The following ANO10 variants were observed in gnomAD, a reference collection of about 807,000 sequenced individuals.
The protein encoded by ANO10 is anoctamin 10, also known as anoctamin-10.
ANO10 carries 77 observed loss-of-function variants against 74.7 expected under a neutral mutation model. That is an observed-to-expected ratio of 1.03 (90% CI 0.86 to 1.25). The LOEUF (loss-of-function observed/expected upper bound fraction) is 1.25, where lower values mean the gene tolerates loss of function less well. Among genes scored for constraint, ANO10 ranks in the 50% most tolerant of loss-of-function variants. ANO10 has a pLI of 0.00. For synonymous variants in ANO10, 279 were observed against 284.9 expected (o/e 0.98, Z 0.21); for missense variants, 721 against 778.1 (o/e 0.93, Z 0.87).
intron 12 of ANO10, among the ~76,000 whole-genome samples, chr3:43,382,242 G>A (rs151321581): frequency 0.011 from 1,604 of 152,132 alleles, 16 homozygotes; most frequent in Non-Finnish European, 0.017. Context: ...AGATCAGGCC[G>A]GGCGCGGTGG....
intron 12 of ANO10, among the ~76,000 whole-genome samples, chr3:43,381,036 A>T (rs112744196): frequency 2.0e-5 from 3 of 152,274 alleles, no homozygotes; most frequent in African/African-American, 7.2e-5. Flanking sequence ...GCAAAGGGGT[A>T]CAAGCCCCTT....
At chr3:43,640,049 A>G (rs1269120489) in intron 1 of ANO10, among the ~76,000 whole-genome samples, 1 of 152,228 alleles carries the variant, frequency 6.6e-6, no homozygotes, top group East Asian at 1.9e-4. Context: ...GAGGACACAG[A>G]GTAGGTCTGA....
At chr3:43,608,893 C>T (rs1303518110) in intron 1 of ANO10, among the ~76,000 whole-genome samples, 1 of 152,108 alleles carries the variant, frequency 6.6e-6, no homozygotes, top group Non-Finnish European at 1.5e-5. Context: ...AGTGTTAAGA[C>T]AGAAGGAAAT....
intron 2 of ANO10, among the ~76,000 whole-genome samples, chr3:43,601,914 G>A (rs1192110089): frequency 2.0e-5 from 3 of 152,176 alleles, no homozygotes; most frequent in Non-Finnish European, 4.4e-5. Context: ...AGGGTTGACC[G>A]CCAGGCTCCT....
rs113467534 is a variant in ANO10 at position 43,672,077 on chromosome 3, G to A, written c.-12+19440C>T. ...TGCTGCTGCAAGTCATCTTCCTGTT[G>A]CATGACTGCTGGGAATGTCTAATCC... On this transcript the variant is annotated intron_variant, in intron 1 of 3. Transcript: ENST00000413397. Among the ~76,000 whole-genome samples the A allele has an allele frequency of 2.1e-3, 324 of 152,316 alleles. 2 individuals carry two copies. The highest frequency in any genetic ancestry group is 3.5e-3 in the Non-Finnish European group (240 of 68,036).
chr3:43,601,104 C>G (rs1260231333), intron 2 of ANO10, among the ~76,000 whole-genome samples: 1 of 151,996 alleles, frequency 6.6e-6, no homozygotes, highest in Non-Finnish European at 1.5e-5. Flanking sequence ...TAATAATTTT[C>G]TGAAATAAGT....
In ANO10 at chr3:43,511,928, G is replaced by C. The variant is rs2077522191; in HGVS notation, c.1797+37792C>G. Among the ~76,000 whole-genome samples, 3 of 152,122 alleles carry C rather than the reference G, an allele frequency of 2.0e-5. No homozygotes were observed. In the South Asian group the frequency reaches 6.2e-4, roughly 31 times the overall value. On this transcript the variant is annotated intron_variant, in intron 11 of 12. Coordinates refer to ENST00000292246, the MANE Select transcript of ANO10 (RefSeq NM_018075.5). ...TGTTTTCCTGAGCAATGCACACACAGGACAATGAGGTCCATGGTACAAGGG... is the reference window on the plus strand; with the variant it reads ...TGTTTTCCTGAGCAATGCACACACACGACAATGAGGTCCATGGTACAAGGG...
rs987370118 is a variant in ANO10 at position 43,507,915 on chromosome 3, C to A, written c.1797+41805G>T. Among the ~76,000 whole-genome samples the A allele has an allele frequency of 5.9e-5, 9 of 151,738 alleles. No individual in the cohort carries two copies. In the East Asian group the frequency reaches 7.7e-4, roughly 13 times the overall value. ...AATACTTGCAAAAAATGTCATCAAA[C>A]AAAAAGGAAATGTTCTAGGTGTTTG... is the stretch of plus-strand genomic sequence containing the variant. On this transcript the variant is annotated intron_variant, in intron 11 of 12. Transcript: ENST00000292246.
At chr3:43,686,746 T>A (rs1342487932) in intron 1 of ANO10, among the ~76,000 whole-genome samples, 1 of 152,236 alleles carries the variant, frequency 6.6e-6, no homozygotes. Flanking sequence ...ATGTAGCTAA[T>A]GGCTACTGTA....
At chr3:43,560,043 G>A (rs1467229534) in intron 9 of ANO10, among the ~76,000 whole-genome samples, 1 of 152,198 alleles carries the variant, frequency 6.6e-6, no homozygotes, top group Non-Finnish European at 1.5e-5. Context: ...TGTATCCTAT[G>A]GGGAGGAGAA....
intron 12 of ANO10, among the ~76,000 whole-genome samples, chr3:43,413,533 A>T (rs569259529): frequency 6.6e-6 from 1 of 151,842 alleles, no homozygotes; most frequent in African/African-American, 2.4e-5. Flanking sequence ...CCTTCACCCA[A>T]GAGTAAAAGG....
intron 11 of ANO10, among the ~76,000 whole-genome samples, chr3:43,488,095 C>T (rs1388880442): frequency 4.0e-5 from 6 of 151,698 alleles, no homozygotes; most frequent in African/African-American, 9.7e-5. Context: ...ATAAATGGTG[C>T]TGGGAAAACT....
chr3:43,424,229 T>C (rs997180725), intron 12 of ANO10, among the ~76,000 whole-genome samples: 1 of 152,224 alleles, frequency 6.6e-6, no homozygotes, highest in African/African-American at 2.4e-5. Context: ...GAGAAAGTTA[T>C]GACACTGAAA....
chr3:43,474,900 A>T (rs1306938530), intron 11 of ANO10, among the ~76,000 whole-genome samples: 1 of 109,798 alleles, frequency 9.1e-6, no homozygotes, highest in Non-Finnish European at 2.2e-5. Flanking sequence ...ATTATTTTGT[A>T]GAATTTTTTT....
At chr3:43,479,577 AAGGCTGCAGACATTTCTAAGTGGAT>A (rs2076192003) in intron 11 of ANO10, among the ~76,000 whole-genome samples, 1 of 152,218 alleles carries the variant, frequency 6.6e-6, no homozygotes, top group Non-Finnish European at 1.5e-5. Flanking sequence ...AGGAAAGTTG[AAGGCTGCAGACATTTCTAAGTGGAT>A]AGACTAAGTA....
At chr3:43,670,286 T>A (rs934346725) in intron 1 of ANO10, among the ~76,000 whole-genome samples, 1 of 151,608 alleles carries the variant, frequency 6.6e-6, no homozygotes, top group Admixed American at 6.6e-5. Flanking sequence ...TGCTTGCGCC[T>A]GGGAGGATGA....
chr3:43,552,796 C>T (rs2149318628), intron 10 of ANO10, among the ~76,000 whole-genome samples: 1 of 150,628 alleles, frequency 6.6e-6, no homozygotes, highest in Non-Finnish European at 1.5e-5. Context: ...TATATACACA[C>T]ACTATTTTCT....
chr3:43,553,912 T>C (rs1431719875), intron 10 of ANO10, among the ~76,000 whole-genome samples: 2 of 152,230 alleles, frequency 1.3e-5, no homozygotes, highest in Non-Finnish European at 2.9e-5. Context: ...ACTCATTCAG[T>C]GAGCTTTTTA....
chr3:43,646,941 T>C (rs1266879714), intron 1 of ANO10, among the ~76,000 whole-genome samples: 1 of 152,158 alleles, frequency 6.6e-6, no homozygotes, highest in African/African-American at 2.4e-5. Context: ...GGGTACAACA[T>C]CTGGAAGGTA....
Sources: allele counts gnomAD v4.1 joint callset (sites outside exome capture counted in the v4.1 genomes callset), GRCh38; gene constraint gnomAD v4.1.1; transcripts MANE v1.5; gene names NCBI Gene and HGNC (gene_info 2026-07-23, HGNC 2026-07-21).